CERT1: variants seen among roughly 807,000 people sequenced by gnomAD.
CERT1 encodes the protein ceramide transfer protein.
In CERT1, 31 loss-of-function variants were observed where a neutral mutation model predicts 87.9. The observed-to-expected ratio is 0.35, with a 90% CI of 0.27 to 0.48. CERT1 has a LOEUF of 0.48. Among genes scored for constraint, CERT1 ranks in the 20% least tolerant of loss-of-function variants. The pLI is 0.99. For synonymous variants in CERT1, 289 were observed against 250.9 expected (o/e 1.15, Z -1.44); for missense variants, 487 against 758.0 (o/e 0.64, Z 4.20).
At chr5:75,416,254 G>A (rs1212230353) in intron 7 of CERT1, among the ~76,000 whole-genome samples, 1 of 152,092 alleles carries the variant, frequency 6.6e-6, no homozygotes, top group Non-Finnish European at 1.5e-5. Flanking sequence ...GAACTTTAAG[G>A]TATGTTTCAA....
chr5:75,424,401 G>A (rs986885729), intron 5 of CERT1, among the ~76,000 whole-genome samples: 2 of 151,744 alleles, frequency 1.3e-5, no homozygotes, highest in Non-Finnish European at 2.9e-5. Flanking sequence ...CCAAAACCCC[G>A]TCTCTACTAA....
intron 10 of CERT1, among the ~76,000 whole-genome samples, 177 bp downstream of exon 10, chr5:75,400,026 GGA>G (rs1303902953): frequency 6.6e-6 from 1 of 152,148 alleles, no homozygotes; most frequent in Non-Finnish European, 1.5e-5. Context: ...CAGCTACCAG[GGA>G]GGCTGAGGCA....
chr5:75,375,571 G>T, downstream of CERT1: 1 of 146,554 alleles, frequency 6.8e-6, no homozygotes. Flanking sequence ...ACAGGAGTGA[G>T]ATGCTGTCTC....
At chr5:75,429,443 T>A (rs1279727186) in intron 3 of CERT1, among the ~76,000 whole-genome samples, 1 of 152,098 alleles carries the variant, frequency 6.6e-6, no homozygotes, top group African/African-American at 2.4e-5. Context: ...CGTCAGGTGA[T>A]CCACCTGCCT....
intron 2 of CERT1, among the ~76,000 whole-genome samples, chr5:75,496,629 T>C (rs1245168154): frequency 2.0e-5 from 3 of 152,188 alleles, no homozygotes; most frequent in African/African-American, 7.2e-5. Context: ...AGTGAAACAG[T>C]ATTCAGCAAT....
Position 75,410,992 on chromosome 5 carries a change from T to C in CERT1, c.930+19A>G. On this transcript the variant is annotated intron_variant, in intron 8 of 16. Transcript: ENST00000643780. ...ACATGATCTATGTGTTTCTCTAAGA[T>C]CAAAATATAAATTCATACTTCATAA... The C allele has an allele frequency of 7.3e-7, 1 of 1,367,002 alleles. No homozygotes were observed. Among genetic ancestry groups the C allele is most frequent in the Non-Finnish European group, 1.0e-6 (1 of 976,770 alleles). 84.7% of individuals were successfully genotyped at this position (1,367,002 alleles called of 1,614,324 possible). A position where few individuals can be genotyped will look rare whatever the true frequency, so the allele number is the denominator to read the frequency against.
chr5:75,442,154 T>G (rs1764349343), intron 3 of CERT1, among the ~76,000 whole-genome samples: 1 of 152,194 alleles, frequency 6.6e-6, no homozygotes, highest in South Asian at 2.1e-4. Flanking sequence ...GGAGAGCAAT[T>G]TTTATAATTG....
At chr5:75,511,781 C>G, upstream of CERT1, 1 of 1,551,422 alleles carries the variant, frequency 6.4e-7, no homozygotes, top group East Asian at 2.4e-5. Flanking sequence ...CGGGTGACGA[C>G]GGGTAGAAAA....
chr5:75,481,825 A>T (rs1459153249), intron 2 of CERT1, among the ~76,000 whole-genome samples: 9 of 152,144 alleles, frequency 5.9e-5, no homozygotes, highest in Non-Finnish European at 1.5e-5. Flanking sequence ...GGACACTGAC[A>T]ATATTACTGT....
At position 75,425,422 on chromosome 5, in the gene CERT1, T is replaced by C. The variant is rs763159951; in HGVS notation, c.534A>G (p.Leu178=). Residue 178 remains leucine, a synonymous_variant, in exon 5 of 17, where the codon CTA becomes CTG. Coordinates refer to ENST00000643780, the MANE Select transcript of CERT1 (RefSeq NM_001379029.1). ...RDILCRQVDT[L]QKYFDACADA... is the part of the protein sequence containing the mutation. ...CAGCACAGGCATCAAAGTACTTCTGTAGCGTGTCAACTTGTCTACATAAGA... is the reference window on the plus strand; with the variant it reads ...CAGCACAGGCATCAAAGTACTTCTGCAGCGTGTCAACTTGTCTACATAAGA... 8 of 1,614,058 alleles carry C rather than the reference T, an allele frequency of 5.0e-6. No individual in the cohort carries two copies. Among genetic ancestry groups the C allele is most frequent in the East Asian group, 4.5e-5 (2 of 44,872 alleles).
intron 16 of CERT1, 40 bp downstream of exon 16, chr5:75,381,032 C>G: frequency 6.2e-7 from 1 of 1,606,372 alleles, no homozygotes; most frequent in Non-Finnish European, 8.5e-7. Flanking sequence ...TGATCAAGAA[C>G]AGCCACATTA....
chr5:75,490,304 CCTGCACATT>C (rs142291243), intron 2 of CERT1, among the ~76,000 whole-genome samples: 15,166 of 152,060 alleles, frequency 0.1, 903 homozygotes, highest in South Asian at 0.2. Flanking sequence ...ATGTAACAAA[CCTGCACATT>C]CTGCACATGT....
chr5:75,418,656 GAGA>G (rs1763243425), intron 6 of CERT1, among the ~76,000 whole-genome samples: 1 of 152,164 alleles, frequency 6.6e-6, no homozygotes, highest in African/African-American at 2.4e-5. Context: ...ACTGAGCTAT[GAGA>G]AGAACTGAAC....
upstream of CERT1, chr5:75,511,663 C>A: frequency 6.6e-7 from 1 of 1,514,300 alleles, no homozygotes. Context: ...CCCTCCCCTT[C>A]GTCCTCCCAT....
chr5:75,439,692 T>C (rs1764240900), intron 3 of CERT1, among the ~76,000 whole-genome samples: 1 of 152,090 alleles, frequency 6.6e-6, no homozygotes, highest in South Asian at 2.1e-4. Flanking sequence ...TGAGCATCCA[T>C]ACATTTAACT....
intron 3 of CERT1, among the ~76,000 whole-genome samples, chr5:75,427,782 C>A (rs1763683081): frequency 6.6e-6 from 1 of 151,978 alleles, no homozygotes; most frequent in African/African-American, 2.4e-5. Context: ...ATGGTGAAAA[C>A]AAACCTGTAG....
intron 3 of CERT1, among the ~76,000 whole-genome samples, chr5:75,447,582 C>T (rs947385905): frequency 7.6e-4 from 116 of 151,696 alleles, no homozygotes; most frequent in African/African-American, 2.7e-3. Context: ...GCCATTCTCC[C>T]GCCTCAGCCT....
At chr5:75,403,282 C>G (rs1762572023) in intron 8 of CERT1, among the ~76,000 whole-genome samples, 1 of 151,926 alleles carries the variant, frequency 6.6e-6, no homozygotes, top group African/African-American at 2.4e-5. Flanking sequence ...GTATATTGAC[C>G]AATATTGTGT....
At chr5:75,506,818 T>C (rs1183751915) in intron 1 of CERT1, among the ~76,000 whole-genome samples, 2 of 152,218 alleles carry the variant, frequency 1.3e-5, no homozygotes, top group African/African-American at 2.4e-5. Context: ...CAAAAACATA[T>C]TGGATTGTCT....
Sources: gnomAD v4.1 joint callset for allele counts (sites outside exome capture counted in the v4.1 genomes callset) on GRCh38, gnomAD v4.1.1 for gene constraint, MANE v1.5 for transcripts, NCBI Gene and HGNC (gene_info 2026-07-23, HGNC 2026-07-21) for gene names.